RAB8B: variants seen among roughly 807,000 people sequenced by gnomAD.
RAB8B encodes ras-related protein Rab-8B.
In RAB8B, 11 loss-of-function variants were observed where a neutral mutation model predicts 32.0. The ratio of observed to expected loss-of-function variants is 0.34; its 90% CI spans 0.22 to 0.57. RAB8B has a LOEUF of 0.57. RAB8B is among the 20% of genes least tolerant of loss of function. The pLI is 0.86. For missense variants in RAB8B, 190 were observed against 258.5 expected (o/e 0.73, Z 1.82); for synonymous variants, 103 against 89.6 (o/e 1.15, Z -0.85).
chr15:63,263,601 T>C lies in RAB8B; in HGVS notation c.606T>C (p.Phe202=). Residue 202 remains phenylalanine, a synonymous_variant, in exon 8 of 8, where the codon TTT becomes TTC. Coordinates refer to ENST00000321437, the MANE Select transcript of RAB8B (RefSeq NM_016530.3). The part of the protein sequence containing the change: ...TENRSKKTSF[F]RCSLL The stretch of plus-strand genomic sequence containing the variant: ...ACCGATCAAAGAAGACCAGTTTCTT[T>C]CGTTGCTCGCTACTTTGATGAACTC... 4 of 1,609,614 alleles carry C rather than the reference T, an allele frequency of 2.5e-6. No individual in the cohort carries two copies. Among genetic ancestry groups the C allele is most frequent in the Non-Finnish European group, 3.4e-6 (4 of 1,175,860 alleles).
rs2038221813 is a variant in RAB8B at position 63,263,869 on chromosome 15, T to G, written c.*250T>G. On this transcript the variant is annotated 3_prime_UTR_variant, in exon 8 of 8. Transcript: ENST00000321437. ...GGACCTAACTCGTTTTTTCCTTGTT[T>G]TATTACCTGTTGCAGAAGCGGTTAT... is the stretch of plus-strand genomic sequence containing the variant. 2.6e-6 allele frequency: 1 copy of G among 387,604 alleles called. No homozygotes were observed. The highest frequency in any genetic ancestry group is 4.2e-5 in the Admixed American group (1 of 24,032). 24.0% of individuals were successfully genotyped at this position (387,604 alleles called of 1,614,324 possible).
At position 63,263,721 on chromosome 15, in the gene RAB8B, T is replaced by C. The variant is rs1333473001; in HGVS notation, c.*102T>C. 3.3e-6 allele frequency: 3 copies of C among 902,046 alleles called. No individual in the cohort carries two copies. The highest frequency in any genetic ancestry group is 3.3e-5 in the African/African-American group (2 of 60,352). The allele number at this position is 902,046 out of a possible 1,614,324, so 55.9% of individuals were successfully genotyped here. ...CAGAATCACACCTCCCGGCTGCTGCTGAGAGCACCACTGAACTTAGACCTC... is the reference window on the plus strand; with the variant it reads ...CAGAATCACACCTCCCGGCTGCTGCCGAGAGCACCACTGAACTTAGACCTC... On this transcript the variant is annotated 3_prime_UTR_variant, in exon 8 of 8. Coordinates refer to ENST00000321437, the MANE Select transcript of RAB8B (RefSeq NM_016530.3).
intron 3 of RAB8B, among the ~76,000 whole-genome samples, chr15:63,252,993 C>A (rs1016895914): frequency 6.6e-6 from 1 of 152,198 alleles, no homozygotes; most frequent in Non-Finnish European, 1.5e-5. Flanking sequence ...GGTGATCCAC[C>A]TGCCTCGGCC....
chr15:63,204,800 T>G (rs1045928817), intron 1 of RAB8B, among the ~76,000 whole-genome samples: 2 of 152,228 alleles, frequency 1.3e-5, no homozygotes, highest in African/African-American at 4.8e-5. Context: ...TCAAGAGATT[T>G]AGGAAAAGAA....
chr15:63,241,529 C>G (rs2038031858), intron 1 of RAB8B, among the ~76,000 whole-genome samples: 1 of 152,120 alleles, frequency 6.6e-6, no homozygotes, highest in Admixed American at 6.6e-5. Flanking sequence ...TTTTACAAGC[C>G]TGTTCACACT....
At chr15:63,194,467 A>G (rs1286129322) in intron 1 of RAB8B, among the ~76,000 whole-genome samples, 24 of 152,218 alleles carry the variant, frequency 1.6e-4, no homozygotes, top group African/African-American at 4.8e-5. Flanking sequence ...AAATGTTACT[A>G]CAATGACTCT....
chr15:63,203,484 A>T (rs1354856254), intron 1 of RAB8B, among the ~76,000 whole-genome samples: 2 of 152,240 alleles, frequency 1.3e-5, no homozygotes, highest in Non-Finnish European at 2.9e-5. Flanking sequence ...TGGAAAGCAC[A>T]CACAAAAAGT....
intron 1 of RAB8B, among the ~76,000 whole-genome samples, chr15:63,219,171 G>A (rs969325540): frequency 5.9e-5 from 9 of 151,570 alleles, no homozygotes; most frequent in East Asian, 1.9e-4. Flanking sequence ...GGTGGCACGC[G>A]CCTGTAGTCC....
chr15:63,251,727 G>T (rs1412636618), intron 3 of RAB8B, among the ~76,000 whole-genome samples: 1 of 152,080 alleles, frequency 6.6e-6, no homozygotes, highest in East Asian at 1.9e-4. Context: ...CATAGTAGAG[G>T]CTCAATAAAT....
At chr15:63,215,954 C>T (rs2037787976) in intron 1 of RAB8B, among the ~76,000 whole-genome samples, 1 of 151,924 alleles carries the variant, frequency 6.6e-6, no homozygotes, top group African/African-American at 2.4e-5. Context: ...GGGAGGATCA[C>T]TTGAACCCAG....
chr15:63,260,979 A>G (rs899128794), intron 6 of RAB8B, among the ~76,000 whole-genome samples: 1 of 152,168 alleles, frequency 6.6e-6, no homozygotes, highest in African/African-American at 2.4e-5. Flanking sequence ...AGGTTGGCCG[A>G]TGGGTGTTAG....
rs746143967 is a variant in RAB8B at position 63,244,779 on chromosome 15, A to T, written c.148A>T (p.Ile50Leu). ...AGGAATTGATTTTAAAATTAGAACG[A>T]TAGAACTAGATGGAAAGAAAATTAA... ...TIGIDFKIRT[I>L]ELDGKKIKLQ... Residue 50 changes from isoleucine (I) to leucine (L), a missense_variant, in exon 2 of 8, where the codon ATA becomes TTA. Transcript: ENST00000321437. 6.3e-7 allele frequency: 1 copy of T among 1,582,084 alleles called. No homozygotes were observed. Among genetic ancestry groups the T allele is most frequent in the Non-Finnish European group, 8.7e-7 (1 of 1,153,608 alleles).
At chr15:63,242,448 G>GT (rs1178969603) in intron 1 of RAB8B, among the ~76,000 whole-genome samples, 1 of 152,136 alleles carries the variant, frequency 6.6e-6, no homozygotes, top group Admixed American at 6.5e-5. Flanking sequence ...GCCGAGGCGG[G>GT]TGGATCACGA....
At chr15:63,213,379 G>A (rs529023258) in intron 1 of RAB8B, among the ~76,000 whole-genome samples, 1 of 152,298 alleles carries the variant, frequency 6.6e-6, no homozygotes, top group Non-Finnish European at 1.5e-5. Context: ...TTGGTGCTTA[G>A]TAAATCATGG....
chr15:63,245,929 A>G (rs1215961397), intron 2 of RAB8B, among the ~76,000 whole-genome samples: 1 of 152,104 alleles, frequency 6.6e-6, no homozygotes, highest in Non-Finnish European at 1.5e-5. Flanking sequence ...CTGTGGTGCA[A>G]TGGTGTGAGC....
chr15:63,256,233 G>C (rs983198244), intron 4 of RAB8B, among the ~76,000 whole-genome samples: 1 of 152,104 alleles, frequency 6.6e-6, no homozygotes, highest in African/African-American at 2.4e-5. Context: ...TGAATATTTG[G>C]AAATTTTGTC....
At position 63,207,291 on chromosome 15, in the gene RAB8B, G is replaced by A. The variant is rs544229573; in HGVS notation, c.124+17543G>A. Among the ~76,000 whole-genome samples, 45 of 152,206 alleles carry A rather than the reference G, an allele frequency of 3.0e-4. No homozygotes were observed. The South Asian group carries it at 4.1e-3, about 14-fold the overall frequency. Reference sequence around the variant, plus strand: ...TCCCTAGCTCCTAGCGCAGTGCGGGGCACGTATAAGTGCTCGAAAGCTCCC... The same window carrying A: ...TCCCTAGCTCCTAGCGCAGTGCGGGACACGTATAAGTGCTCGAAAGCTCCC... On this transcript the variant is annotated intron_variant, in intron 1 of 7. Transcript: ENST00000321437.
intron 1 of RAB8B, among the ~76,000 whole-genome samples, chr15:63,220,058 A>G (rs765058695): frequency 6.4e-4 from 98 of 152,260 alleles, no homozygotes; most frequent in Admixed American, 1.8e-3. Flanking sequence ...AGACTTTCTA[A>G]CCAATATGAA....
intron 1 of RAB8B, among the ~76,000 whole-genome samples, chr15:63,227,974 C>T (rs1302945070): frequency 2.0e-5 from 3 of 150,948 alleles, no homozygotes; most frequent in Admixed American, 6.6e-5. Context: ...TTCTTCCTTT[C>T]CTTTCTCTTC....
Sources: allele counts gnomAD v4.1 joint callset (sites outside exome capture counted in the v4.1 genomes callset), GRCh38; gene constraint gnomAD v4.1.1; transcripts MANE v1.5; gene names NCBI Gene and HGNC (gene_info 2026-07-23, HGNC 2026-07-21).